EFR3B: variants seen among roughly 807,000 people sequenced by gnomAD.
EFR3B encodes EFR3 homolog B.
In EFR3B, 64 loss-of-function variants were observed where a neutral mutation model predicts 104.7. The observed-to-expected ratio is 0.61, with a 90% CI of 0.50 to 0.75. The LOEUF (loss-of-function observed/expected upper bound fraction) is 0.75, where lower values mean the gene tolerates loss of function less well. Among genes scored for constraint, EFR3B ranks in the 30% least tolerant of loss-of-function variants. The pLI, the probability that EFR3B is intolerant of heterozygous loss-of-function variation, is 0.00. For synonymous variants in EFR3B, 385 were observed against 417.9 expected, an observed-to-expected ratio of 0.92 and a Z score of 0.96; for missense variants, 750 against 1,078.5, an observed-to-expected ratio of 0.70 and a Z score of 4.27.
intron 1 of EFR3B, among the ~76,000 whole-genome samples, chr2:25,075,860 GC>G (rs1668620826): frequency 6.6e-6 from 1 of 152,216 alleles, no homozygotes; most frequent in Non-Finnish European, 1.5e-5. Context: ...TCATGATGAT[GC>G]CCTTTCACTT....
chr2:25,080,902 C>A, intron 1 of EFR3B: 1 of 786,586 alleles, frequency 1.3e-6, no homozygotes, highest in Non-Finnish European at 2.3e-6. Context: ...TTTTCTGCTG[C>A]GGAATCCACA....
intron 15 of EFR3B, 108 bp from the exon 16 acceptor site, chr2:25,138,951 G>A: frequency 6.9e-7 from 1 of 1,446,874 alleles, no homozygotes; most frequent in Non-Finnish European, 9.4e-7. Flanking sequence ...ACTTAGTCTA[G>A]GAAAGCAAGC....
At chr2:25,117,239 C>T (rs1669888118) in intron 4 of EFR3B, among the ~76,000 whole-genome samples, 1 of 152,118 alleles carries the variant, frequency 6.6e-6, no homozygotes, top group African/African-American at 2.4e-5. Context: ...GTGTGGGCCT[C>T]AGACTGGCCC....
intron 6 of EFR3B, 69 bp from the exon 7 acceptor site, chr2:25,129,906 G>T: frequency 6.6e-7 from 1 of 1,516,498 alleles, no homozygotes; most frequent in Non-Finnish European, 8.9e-7. Flanking sequence ...AACACGGAAA[G>T]CCGGGATTGT....
intron 1 of EFR3B, among the ~76,000 whole-genome samples, chr2:25,077,680 T>C (rs1311409874): frequency 2.6e-5 from 4 of 152,234 alleles, no homozygotes; most frequent in Non-Finnish European, 5.9e-5. Context: ...TATACATATA[T>C]ATTTTAAAAT....
Position 25,046,902 on chromosome 2 carries a change from G to C in EFR3B, c.7+4583G>C, listed in dbSNP as rs184528667. On this transcript the variant is annotated intron_variant, in intron 1 of 22. Coordinates refer to ENST00000403714, the MANE Select transcript of EFR3B (RefSeq NM_014971.2). Reference sequence around the variant, plus strand: ...TGCGCATGTGCACACACATAAACCAGCCTCCTCCCCCAGATCCTAAGGTTT... The same window carrying C: ...TGCGCATGTGCACACACATAAACCACCCTCCTCCCCCAGATCCTAAGGTTT... Among the ~76,000 whole-genome samples the C allele has an allele frequency of 5.7e-4, 87 of 152,242 alleles. 1 individual carries two copies. The highest frequency in any genetic ancestry group is 3.4e-3 in the Middle Eastern group (1 of 294).
At chr2:25,065,576 C>T (rs898681556) in intron 1 of EFR3B, among the ~76,000 whole-genome samples, 2 of 152,138 alleles carry the variant, frequency 1.3e-5, no homozygotes, top group African/African-American at 2.4e-5. Context: ...TCATTATTCA[C>T]TTCACACTAT....
chr2:25,124,933 C>T (rs538509158), intron 5 of EFR3B, among the ~76,000 whole-genome samples: 1 of 152,110 alleles, frequency 6.6e-6, no homozygotes, highest in Admixed American at 6.5e-5. Flanking sequence ...TAGCGCACAA[C>T]TGTAGTCCCA....
At position 25,131,854 on chromosome 2, in the gene EFR3B, A is replaced by G. The variant is rs1404661120; in HGVS notation, c.1090A>G (p.Lys364Glu). The change falls in exon 10 of 23, where the codon AAG becomes GAG. Residue 364 changes from lysine (K) to glutamate (E), a missense_variant. Coordinates refer to ENST00000403714, the MANE Select transcript of EFR3B (RefSeq NM_014971.2). The surrounding 1 kb of genome is among the most constrained non-coding windows in gnomAD (Gnocchi z 7.6). ...CGACGGGGCGGTCAGCCTCGGCACC[A>G]AGATCATCAAGGAGCACGAGGAGCG... The part of the protein sequence containing the change: ...SYDGAVSLGT[K>E]IIKEHEERMF... The G allele has an allele frequency of 1.9e-6, 3 of 1,549,218 alleles. No homozygotes were observed. The highest frequency in any genetic ancestry group is 2.6e-6 in the Non-Finnish European group (3 of 1,146,260).
At chr2:25,059,578 G>T (rs112531455) in intron 1 of EFR3B, among the ~76,000 whole-genome samples, 23,880 of 114,780 alleles carry the variant, frequency 0.21, 3,924 homozygotes, top group East Asian at 0.37. Flanking sequence ...ACTGCGGGGG[G>T]GGGGGGGGTG....
chr2:25,055,387 T>C (rs760212196), intron 1 of EFR3B, among the ~76,000 whole-genome samples: 2 of 152,198 alleles, frequency 1.3e-5, no homozygotes, highest in Non-Finnish European at 2.9e-5. Context: ...ATAGGGACTT[T>C]TAAGCTTGGT....
At chr2:25,153,467 C>T (rs773055794) in intron 21 of EFR3B, among the ~76,000 whole-genome samples, 5 of 152,194 alleles carry the variant, frequency 3.3e-5, no homozygotes, top group South Asian at 2.1e-4. Flanking sequence ...TGCCTGCTGA[C>T]GTCCTCCCTG....
intron 1 of EFR3B, among the ~76,000 whole-genome samples, chr2:25,067,426 G>GTTTTTTTTTT (rs111972158): frequency 7.0e-6 from 1 of 142,792 alleles, no homozygotes; most frequent in African/African-American, 2.6e-5. Flanking sequence ...TTTAGTTTTT[G>GTTTTTTTTTT]TTTTTTTTTT....
intron 18 of EFR3B, among the ~76,000 whole-genome samples, chr2:25,144,745 A>C (rs1178948550): frequency 6.6e-6 from 1 of 152,220 alleles, no homozygotes; most frequent in Admixed American, 6.5e-5. Context: ...TCAAAATTTT[A>C]GCCCCAAAGA....
chr2:25,053,578 T>G (rs1480987563), intron 1 of EFR3B, among the ~76,000 whole-genome samples: 2 of 152,110 alleles, frequency 1.3e-5, no homozygotes, highest in East Asian at 1.9e-4. Flanking sequence ...GCAGGAGAGC[T>G]TCTGCTCTTC....
intron 4 of EFR3B, among the ~76,000 whole-genome samples, chr2:25,115,652 G>A (rs756719310): frequency 6.6e-6 from 1 of 152,224 alleles, no homozygotes; most frequent in Non-Finnish European, 1.5e-5. Flanking sequence ...TTGAGATTGG[G>A]AGATTATCTT....
chr2:25,071,462 T>C (rs1668495022), intron 1 of EFR3B, among the ~76,000 whole-genome samples: 1 of 151,876 alleles, frequency 6.6e-6, no homozygotes, highest in African/African-American at 2.4e-5. Flanking sequence ...GGTTTCACTA[T>C]GTTGGCCAGG....
rs1670319720 is a variant in EFR3B at position 25,131,228 on chromosome 2, G to A, written c.850-140G>A. 1.8e-6 allele frequency: 2 copies of A among 1,122,474 alleles called. No homozygotes were observed. Among genetic ancestry groups the A allele is most frequent in the Non-Finnish European group, 2.5e-6 (2 of 807,434 alleles). 69.5% of individuals were successfully genotyped at this position (1,122,474 alleles called of 1,614,324 possible). On this transcript the variant is annotated intron_variant, in intron 8 of 22. Coordinates refer to ENST00000403714, the MANE Select transcript of EFR3B (RefSeq NM_014971.2). This position sits in a 1 kb window ranked among gnomAD's most constrained non-coding sequence, Gnocchi z 7.6. ...GGGAAGGATCCAGTAAAGGGCACGA[G>A]GTGTCAGTGCCAACTGCAGTGCCCG... is the stretch of plus-strand genomic sequence containing the variant.
rs1278324891 is a variant in EFR3B, at chr2:25,155,372, C to T, written c.*1032C>T. 1.3e-5 allele frequency: 2 copies of T among 152,196 alleles called. No homozygotes were observed. The highest frequency in any genetic ancestry group is 6.5e-5 in the Admixed American group (1 of 15,276). 9.4% of individuals were successfully genotyped at this position (152,196 alleles called of 1,614,324 possible). A position where few individuals can be genotyped will look rare whatever the true frequency, so the allele number is the denominator to read the frequency against. ...CGTTTGAAGAAAGAAGGATCTAACA[C>T]CTAATATTGGAATGATTTCTTCACT... On this transcript the variant is annotated 3_prime_UTR_variant, in exon 23 of 23. Coordinates refer to ENST00000403714, the MANE Select transcript of EFR3B (RefSeq NM_014971.2).
Sources: gnomAD v4.1 joint callset for allele counts (sites outside exome capture counted in the v4.1 genomes callset) on GRCh38, gnomAD v4.1.1 for gene constraint, Gnocchi (gnomAD v3.1) non-coding constraint, MANE v1.5 for transcripts, NCBI Gene and HGNC (gene_info 2026-07-23, HGNC 2026-07-21) for gene names.